The following PIK3R1 variants were observed in gnomAD, a reference collection of about 807,000 sequenced individuals.
The protein encoded by PIK3R1 is phosphoinositide-3-kinase regulatory subunit 1.
PIK3R1 carries 29 observed loss-of-function variants against 98.0 expected under a neutral mutation model. The observed-to-expected ratio is 0.30, with a 90% CI of 0.22 to 0.40. PIK3R1 has a LOEUF of 0.40. Ranked by LOEUF, PIK3R1 falls within the 10% of genes least tolerant of loss-of-function variation. The probability of loss-of-function intolerance (pLI) is 1.00; values close to 1 mark genes in which losing one functional copy is unlikely to be tolerated. For synonymous variants in PIK3R1, 282 were observed against 311.8 expected, an observed-to-expected ratio of 0.90 and a Z score of 1.01; for missense variants, 596 against 872.7, an observed-to-expected ratio of 0.68 and a Z score of 3.99.
At position 68,279,618 on chromosome 5, in the gene PIK3R1, C is replaced by G; in HGVS notation, c.519C>G (p.Asp173Glu). The G allele has an allele frequency of 6.2e-7, 1 of 1,613,594 alleles. No homozygotes were observed. Among genetic ancestry groups the G allele is most frequent in the East Asian group, 2.2e-5 (1 of 44,864 alleles). Residue 173 changes from aspartate (D) to glutamate (E), a missense_variant, in exon 5 of 16, where the codon GAC becomes GAG. By Grantham distance (45) the Asp-to-Glu change is conservative. Transcript: ENST00000521381. Reference protein sequence around the residue: ...QLLDCDTPSVDLEMIDVHVLA... With the variant: ...QLLDCDTPSVELEMIDVHVLA... The stretch of plus-strand genomic sequence containing the variant: ...GTTTCCTAGATACACCCTCCGTGGA[C>G]TTGGAAATGATCGATGTGCACGTTT...
chr5:68,254,083 T>A (rs1745424028), intron 2 of PIK3R1, among the ~76,000 whole-genome samples: 1 of 151,946 alleles, frequency 6.6e-6, no homozygotes, highest in Non-Finnish European at 1.5e-5. Flanking sequence ...AATGTGAGTC[T>A]GCACACTCGA....
chr5:68,249,589 A>G (rs1745223542), intron 2 of PIK3R1, among the ~76,000 whole-genome samples: 1 of 152,170 alleles, frequency 6.6e-6, no homozygotes, highest in African/African-American at 2.4e-5. Flanking sequence ...TATTTCTTTC[A>G]CTAAATGACA....
At chr5:68,243,949 C>G (rs1744965489) in intron 2 of PIK3R1, among the ~76,000 whole-genome samples, 1 of 152,122 alleles carries the variant, frequency 6.6e-6, no homozygotes, top group South Asian at 2.1e-4. Flanking sequence ...GTTAGGTATT[C>G]TGTTCTCTTA....
rs1746799093 is a variant in PIK3R1, at chr5:68,280,734, G to T, written c.836+5G>T. The stretch of plus-strand genomic sequence containing the variant: ...TTTCAGATTCTCAGCAGCCAGGTAA[G>T]TGAAAGGAGACAAACATGTATTTTG... On this transcript the variant is annotated splice_donor_5th_base_variant and intron_variant, in intron 6 of 15. Transcript: ENST00000521381. 6.2e-7 allele frequency: 1 copy of T among 1,612,704 alleles called. No homozygotes were observed. The highest frequency in any genetic ancestry group is 1.3e-5 in the African/African-American group (1 of 74,886).
rs980235898 is a variant in PIK3R1, at chr5:68,226,545, G to C, written c.-131G>C. ...TCTCCTCTTAAACCTTTGGAGAGTGGTCCTTTGTCCTCTGCTGGACACATA... is the reference window on the plus strand; with the variant it reads ...TCTCCTCTTAAACCTTTGGAGAGTGCTCCTTTGTCCTCTGCTGGACACATA... On this transcript the variant is annotated 5_prime_UTR_variant, in exon 2 of 16. Transcript: ENST00000521381. 2.8e-6 allele frequency: 2 copies of C among 710,546 alleles called. No individual in the cohort carries two copies. Among genetic ancestry groups the C allele is most frequent in the Non-Finnish European group, 4.7e-6 (2 of 429,062 alleles). 44.0% of individuals were successfully genotyped at this position (710,546 alleles called of 1,614,324 possible).
intron 2 of PIK3R1, among the ~76,000 whole-genome samples, chr5:68,240,349 T>C (rs913037675): frequency 4.6e-5 from 7 of 152,230 alleles, no homozygotes; most frequent in African/African-American, 1.4e-4. Flanking sequence ...ACAGTTATAT[T>C]GTAACTGTCA....
Position 68,298,851 on chromosome 5 carries a change from G to T in PIK3R1, c.*1250G>T. 1 of 223,882 alleles carries T rather than the reference G, an allele frequency of 4.5e-6. No individual in the cohort carries two copies. The highest frequency in any genetic ancestry group is 6.4e-5 in the East Asian group (1 of 15,748). 13.9% of individuals were successfully genotyped at this position (223,882 alleles called of 1,614,324 possible). On this transcript the variant is annotated 3_prime_UTR_variant, in exon 16 of 16. Transcript: ENST00000521381. ...CAATGTTTATTTCATAAAGAATTGTGAACTTCTTGAATCTAGGGAGGGGGA... is the reference window on the plus strand; with the variant it reads ...CAATGTTTATTTCATAAAGAATTGTTAACTTCTTGAATCTAGGGAGGGGGA...
intron 2 of PIK3R1, among the ~76,000 whole-genome samples, chr5:68,252,894 T>A (rs1279127736): frequency 6.6e-6 from 1 of 152,166 alleles, no homozygotes; most frequent in Non-Finnish European, 1.5e-5. Flanking sequence ...CTGTAAAATA[T>A]GCCCTTTTCT....
chr5:68,231,623 C>T (rs933169831), intron 2 of PIK3R1, among the ~76,000 whole-genome samples: 8 of 152,224 alleles, frequency 5.3e-5, no homozygotes, highest in Non-Finnish European at 1.0e-4. Flanking sequence ...GTGACCTGAT[C>T]CCAAATTACA....
chr5:68,249,416 C>A (rs1395166308), intron 2 of PIK3R1, among the ~76,000 whole-genome samples: 1 of 152,172 alleles, frequency 6.6e-6, no homozygotes, highest in East Asian at 1.9e-4. Context: ...TATTATATTT[C>A]CATAAAACCA....
intron 4 of PIK3R1, among the ~76,000 whole-genome samples, chr5:68,278,380 T>C (rs1271486918): frequency 6.6e-6 from 1 of 152,194 alleles, no homozygotes; most frequent in Non-Finnish European, 1.5e-5. Flanking sequence ...GTCTGTAGTA[T>C]CTTACTGTTG....
intron 2 of PIK3R1, among the ~76,000 whole-genome samples, chr5:68,237,595 G>GAAAAA (rs11308179): frequency 7.4e-6 from 1 of 135,884 alleles, no homozygotes; most frequent in African/African-American, 2.7e-5. Context: ...TTTTCCCATT[G>GAAAAA]AAAAAAAAAA....
chr5:68,292,346 G>A lies in PIK3R1; in HGVS notation c.1004G>A (p.Trp335Ter). The A allele has an allele frequency of 6.2e-7, 1 of 1,607,950 alleles. No homozygotes were observed. Among genetic ancestry groups the A allele is most frequent in the Non-Finnish European group, 8.5e-7 (1 of 1,174,552 alleles). ...TCCTTACAAGATGCTGAATGGTACTGGGGAGATATCTCGAGGTAAGGCTAC... is the reference window on the plus strand; with the variant it reads ...TCCTTACAAGATGCTGAATGGTACTAGGGAGATATCTCGAGGTAAGGCTAC... ...NMSLQDAEWY[W>*]GDISREEVNE... The change falls in exon 8 of 16, where the codon TGG (tryptophan) becomes TAG (stop). Residue 335 changes from tryptophan (W) to a stop codon, truncating the protein, a stop_gained. Coordinates refer to ENST00000521381, the MANE Select transcript of PIK3R1 (RefSeq NM_181523.3). LOFTEE classifies it high-confidence loss of function.
At chr5:68,289,986 G>A (rs1006355788) in intron 7 of PIK3R1, among the ~76,000 whole-genome samples, 8 of 151,984 alleles carry the variant, frequency 5.3e-5, no homozygotes. Context: ...AGACAATTAC[G>A]TTTATTATTT....
chr5:68,292,220 A>T, intron 7 of PIK3R1, 39 bp from the exon 8 acceptor site: 6 of 1,239,998 alleles, frequency 4.8e-6, no homozygotes, highest in Non-Finnish European at 7.0e-6. Context: ...GTTCTAATGT[A>T]GTTGGGATTG....
intron 4 of PIK3R1, among the ~76,000 whole-genome samples, chr5:68,276,047 T>A (rs1237806930): frequency 6.6e-6 from 1 of 152,228 alleles, no homozygotes; most frequent in East Asian, 1.9e-4. Context: ...CCTTAGTGGC[T>A]AATTTTTCTG....
intron 7 of PIK3R1, among the ~76,000 whole-genome samples, chr5:68,287,624 C>A (rs971686983): frequency 1.3e-5 from 2 of 152,182 alleles, no homozygotes; most frequent in Admixed American, 1.3e-4. Context: ...CAAGTCTGGT[C>A]CATTGCCACT....
rs781475250 is a variant in PIK3R1 at position 68,279,612 on chromosome 5, C to T, written c.513C>T (p.Ser171=). Residue 171 remains serine, a synonymous_variant, in exon 5 of 16, where the codon TCC becomes TCT. Coordinates refer to ENST00000521381, the MANE Select transcript of PIK3R1 (RefSeq NM_181523.3). ...TAAATTGTTTCCTAGATACACCCTCCGTGGACTTGGAAATGATCGATGTGC... is the reference window on the plus strand; with the variant it reads ...TAAATTGTTTCCTAGATACACCCTCTGTGGACTTGGAAATGATCGATGTGC... ...LRQLLDCDTP[S]VDLEMIDVHV... The T allele has an allele frequency of 2.5e-5, 40 of 1,613,192 alleles. 1 individual carries two copies. Among genetic ancestry groups the T allele is most frequent in the East Asian group, 6.7e-5 (3 of 44,882 alleles).
intron 2 of PIK3R1, among the ~76,000 whole-genome samples, chr5:68,272,299 A>G (rs909648840): frequency 2.0e-5 from 3 of 151,950 alleles, no homozygotes; most frequent in Admixed American, 6.6e-5. Flanking sequence ...ACCATAGTAT[A>G]TGGCTTCTAA....
Sources: allele counts gnomAD v4.1 joint callset (sites outside exome capture counted in the v4.1 genomes callset), GRCh38; gene constraint gnomAD v4.1.1; transcripts MANE v1.5; gene names NCBI Gene and HGNC (gene_info 2026-07-23, HGNC 2026-07-21).